The following CNOT2 variants were observed in gnomAD, a reference collection of about 807,000 sequenced individuals.
CNOT2 encodes CCR4-NOT transcription complex subunit 2, also known as CC chemokine receptor 4-negative regulator of transcription 2.
In CNOT2, 7 loss-of-function variants were observed where a neutral mutation model predicts 72.1. The ratio of observed to expected loss-of-function variants is 0.10; its 90% CI spans 0.06 to 0.18. The LOEUF (loss-of-function observed/expected upper bound fraction) is 0.18. CNOT2 is among the 10% of genes least tolerant of loss of function. The pLI, the probability that CNOT2 is intolerant of heterozygous loss-of-function variation, is 1.00. For synonymous variants in CNOT2, 196 were observed against 225.6 expected (o/e 0.87, Z 1.17); for missense variants, 345 against 660.3 (o/e 0.52, Z 5.23).
intron 1 of CNOT2, among the ~76,000 whole-genome samples, chr12:70,256,731 C>G (rs1359237965): frequency 6.6e-6 from 1 of 152,020 alleles, no homozygotes; most frequent in African/African-American, 2.4e-5. Context: ...ATTTCCTTTG[C>G]ATGCATGTGT....
At chr12:70,320,398 A>G (rs550810494) in intron 4 of CNOT2, among the ~76,000 whole-genome samples, 4 of 151,800 alleles carry the variant, frequency 2.6e-5, no homozygotes, top group South Asian at 4.1e-4. Flanking sequence ...CATGGTTTCC[A>G]TTTACTTTTT....
rs75201392 is a variant in CNOT2 at position 70,306,851 on chromosome 12, G to T, written c.49-4044G>T. ...ATGCGTCAGGCACTTTTGTGAATGT[G>T]GACCATACTTAAACAAACCTGGATG... is the stretch of plus-strand genomic sequence containing the variant. On this transcript the variant is annotated intron_variant, in intron 2 of 15. Coordinates refer to ENST00000229195, the MANE Select transcript of CNOT2 (RefSeq NM_014515.7). Among the ~76,000 whole-genome samples the T allele has an allele frequency of 5.8e-4, 89 of 152,248 alleles. No homozygotes were observed. The East Asian group carries it at 0.015, about 25-fold the overall frequency.
intron 1 of CNOT2, among the ~76,000 whole-genome samples, chr12:70,252,630 T>C (rs1958197822): frequency 6.6e-6 from 1 of 152,238 alleles, no homozygotes. Context: ...AAGAGAGTTA[T>C]ATTCTGAAAT....
intron 3 of CNOT2, among the ~76,000 whole-genome samples, chr12:70,312,617 T>C (rs539151569): frequency 5.9e-4 from 90 of 152,076 alleles, no homozygotes; most frequent in Middle Eastern, 3.4e-3. Flanking sequence ...AATGGTTTGA[T>C]TCACAAAACC....
intron 3 of CNOT2, among the ~76,000 whole-genome samples, chr12:70,316,276 T>G (rs927185239): frequency 1.3e-5 from 2 of 152,234 alleles, no homozygotes; most frequent in Admixed American, 1.3e-4. Flanking sequence ...CTTTATATTA[T>G]TAACTTTCAG....
chr12:70,305,894 T>TG (rs1451841655), intron 2 of CNOT2, among the ~76,000 whole-genome samples: 1 of 143,562 alleles, frequency 7.0e-6, no homozygotes, highest in African/African-American at 2.5e-5. Flanking sequence ...TTTTTTTTTT[T>TG]GGTAAATTTC....
intron 2 of CNOT2, among the ~76,000 whole-genome samples, chr12:70,289,284 G>C (rs562866523): frequency 3.9e-5 from 6 of 152,034 alleles, no homozygotes; most frequent in African/African-American, 1.4e-4. Context: ...ATGATTCGCT[G>C]TCTTCTTATT....
chr12:70,319,371 A>T lies in CNOT2; in HGVS notation c.238+7A>T, dbSNP rs764211916. 1 of 1,609,182 alleles carries T rather than the reference A, an allele frequency of 6.2e-7. No individual in the cohort carries two copies. The highest frequency in any genetic ancestry group is 8.5e-7 in the Non-Finnish European group (1 of 1,176,634). On this transcript the variant is annotated splice_region_variant and intron_variant, in intron 4 of 15. Coordinates refer to ENST00000229195, the MANE Select transcript of CNOT2 (RefSeq NM_014515.7). ...AGTTTATACGGGCAACAAAGTAAGA[A>T]TTTTGTATTTATTCTGGGATACTTT...
At chr12:70,312,399 CATTT>C (rs1030709912) in intron 3 of CNOT2, among the ~76,000 whole-genome samples, 30 of 151,874 alleles carry the variant, frequency 2.0e-4, no homozygotes, top group African/African-American at 7.0e-4. Context: ...TGATGAAATG[CATTT>C]ATTCTAATTA....
At chr12:70,270,321 G>A (rs1428568390) in intron 1 of CNOT2, among the ~76,000 whole-genome samples, 4 of 152,056 alleles carry the variant, frequency 2.6e-5, no homozygotes, top group Admixed American at 2.0e-4. Flanking sequence ...GATAAATAAA[G>A]CAAACAATAC....
At chr12:70,307,313 C>G (rs1875599300) in intron 2 of CNOT2, among the ~76,000 whole-genome samples, 1 of 152,170 alleles carries the variant, frequency 6.6e-6, no homozygotes, top group Non-Finnish European at 1.5e-5. Flanking sequence ...ACACGTACAG[C>G]TGTACAAAAA....
At chr12:70,300,501 G>A (rs143323775) in intron 2 of CNOT2, among the ~76,000 whole-genome samples, 1,911 of 152,206 alleles carry the variant, frequency 0.013, 109 homozygotes, top group Admixed American at 0.097. Flanking sequence ...GCTTGTTTTT[G>A]TCAGGTTTGT....
chr12:70,300,661 C>G (rs1393381630), intron 2 of CNOT2, among the ~76,000 whole-genome samples: 1 of 152,148 alleles, frequency 6.6e-6, no homozygotes, highest in Non-Finnish European at 1.5e-5. Flanking sequence ...CGTGATGCCT[C>G]CAGCTTTGTT....
intron 2 of CNOT2, among the ~76,000 whole-genome samples, chr12:70,301,334 T>C (rs1460124350): frequency 6.6e-6 from 1 of 152,222 alleles, no homozygotes; most frequent in African/African-American, 2.4e-5. Context: ...TTTTGTACAT[T>C]CACTGTGATA....
At chr12:70,284,437 G>T (rs944911173) in intron 2 of CNOT2, among the ~76,000 whole-genome samples, 1 of 151,388 alleles carries the variant, frequency 6.6e-6, no homozygotes, top group Non-Finnish European at 1.5e-5. Flanking sequence ...GTAGATACAG[G>T]ATTTTACCAT....
intron 15 of CNOT2, among the ~76,000 whole-genome samples, chr12:70,346,902 A>G (rs939866941): frequency 7.3e-5 from 11 of 151,614 alleles, no homozygotes; most frequent in African/African-American, 2.2e-4. Context: ...TAACCGTCCC[A>G]TGTGCAAAAT....
At chr12:70,342,050 A>G (rs1446883998) in intron 11 of CNOT2, 57 bp from the exon 12 acceptor site, 1 of 1,075,102 alleles carries the variant, frequency 9.3e-7, no homozygotes, top group Non-Finnish European at 1.4e-6. Context: ...TTCCTGAAAT[A>G]AAATTAGAAA....
chr12:70,312,089 T>C (rs1876563220), intron 3 of CNOT2, among the ~76,000 whole-genome samples: 1 of 151,982 alleles, frequency 6.6e-6, no homozygotes. Flanking sequence ...TATTGGGCTT[T>C]TTTCAACTAA....
chr12:70,247,870 A>G (rs1340477598), intron 1 of CNOT2, among the ~76,000 whole-genome samples: 2 of 152,204 alleles, frequency 1.3e-5, no homozygotes, highest in Non-Finnish European at 2.9e-5. Flanking sequence ...AGATTGGAAA[A>G]GTGGTGGGGA....
Sources: gnomAD v4.1 joint callset for allele counts (sites outside exome capture counted in the v4.1 genomes callset) on GRCh38, gnomAD v4.1.1 for gene constraint, MANE v1.5 for transcripts, NCBI Gene and HGNC (gene_info 2026-07-23, HGNC 2026-07-21) for gene names.